Variants in ERI3 observed in about 807,000 individuals in gnomAD.
ERI3 encodes ERI1 exoribonuclease 3.
A neutral mutation model predicts 44.4 loss-of-function variants in ERI3; 18 were observed. The ratio of observed to expected loss-of-function variants is 0.41; its 90% confidence interval spans 0.28 to 0.60. The LOEUF is 0.60. ERI3 is among the 20% of genes least tolerant of loss of function. The pLI, the probability that ERI3 is intolerant of heterozygous loss-of-function variation, is 0.36. For synonymous variants in ERI3, 183 were observed against 164.8 expected, an observed-to-expected ratio of 1.11 and a Z score of -0.84; for missense variants, 294 against 435.5, an observed-to-expected ratio of 0.68 and a Z score of 2.89.
chr1:44,290,028 G>A (rs1360578695), intron 6 of ERI3, among the ~76,000 whole-genome samples: 1 of 152,216 alleles, frequency 6.6e-6, no homozygotes, highest in Admixed American at 6.5e-5. Flanking sequence ...CCCAACTCAG[G>A]GAGATGCATG....
chr1:44,274,374 A>C (rs1203927030), intron 7 of ERI3, among the ~76,000 whole-genome samples: 1 of 152,202 alleles, frequency 6.6e-6, no homozygotes, highest in African/African-American at 2.4e-5. Context: ...ATATTCCAAA[A>C]CCTGGTAATT....
chr1:44,271,654 A>G (rs1645090079), intron 7 of ERI3, among the ~76,000 whole-genome samples: 2 of 152,252 alleles, frequency 1.3e-5, no homozygotes, highest in African/African-American at 4.8e-5. Context: ...GAGTTAATTC[A>G]TATAAAGCAT....
rs911729858 is a variant in ERI3, at chr1:44,235,552, A to C, written c.931+12387T>G. Among the ~76,000 whole-genome samples, 1 of 152,158 alleles carries C rather than the reference A, an allele frequency of 6.6e-6. No individual in the cohort carries two copies. Among genetic ancestry groups the C allele is most frequent in the Non-Finnish European group, 1.5e-5 (1 of 68,036 alleles). On this transcript the variant is annotated intron_variant, in intron 8 of 8. Coordinates refer to ENST00000372257, the MANE Select transcript of ERI3 (RefSeq NM_024066.3). This position sits in a 1 kb window ranked among gnomAD's most constrained non-coding sequence, Gnocchi z 4.6. ...AATACATACTGAAAAGAAGGAAGGA[A>C]GGACTAGAGGAAAAGAAAGAGGGGC...
At chr1:44,231,889 A>C (rs555762185) in intron 8 of ERI3, among the ~76,000 whole-genome samples, 1 of 152,330 alleles carries the variant, frequency 6.6e-6, no homozygotes, top group South Asian at 2.1e-4. Context: ...AGCATGAGGG[A>C]AAAATAGTCC....
chr1:44,301,307 A>C (rs1316557432), intron 6 of ERI3, among the ~76,000 whole-genome samples: 1 of 152,114 alleles, frequency 6.6e-6, no homozygotes, highest in Non-Finnish European at 1.5e-5. Context: ...CCCTGCCCCC[A>C]CTGTGCACTG....
intron 7 of ERI3, among the ~76,000 whole-genome samples, chr1:44,258,129 T>C (rs1644816486): frequency 6.6e-6 from 1 of 152,190 alleles, no homozygotes; most frequent in Admixed American, 6.5e-5. Flanking sequence ...GCTTTGAACC[T>C]GGCATGTAAC....
In ERI3 at chr1:44,221,542, T is replaced by A; in HGVS notation, c.*16A>T. 6.2e-7 allele frequency: 1 copy of A among 1,611,472 alleles called. No individual in the cohort carries two copies. The highest frequency in any genetic ancestry group is 8.5e-7 in the Non-Finnish European group (1 of 1,177,680). On this transcript the variant is annotated 3_prime_UTR_variant, in exon 9 of 9. Transcript: ENST00000372257. This position sits in a 1 kb window ranked among gnomAD's most constrained non-coding sequence, Gnocchi z 5.9. ...CAAACAGCTACCCTGTCCTGCCCCA[T>A]CCTGTCCTCGGCCAATCAGAACGGC...
intron 6 of ERI3, among the ~76,000 whole-genome samples, chr1:44,288,163 T>C (rs1645433091): frequency 1.3e-5 from 2 of 152,066 alleles, no homozygotes; most frequent in Admixed American, 6.5e-5. Context: ...GACAGTCAGG[T>C]TGGATACTCA....
chr1:44,287,004 C>G lies in ERI3; in HGVS notation c.759-2097G>C, dbSNP rs538128090. 8.5e-5 allele frequency among the ~76,000 whole-genome samples: 13 copies of G among 152,364 alleles called. No homozygotes were observed. In the East Asian group the frequency reaches 2.5e-3, roughly 29 times the overall value. ...TTAGACACCTAAGATCAGACATGCTCTTTTGACCCCACTTCATATTACCTG... is the reference window on the plus strand; with the variant it reads ...TTAGACACCTAAGATCAGACATGCTGTTTTGACCCCACTTCATATTACCTG... On this transcript the variant is annotated intron_variant, in intron 6 of 8. Coordinates refer to ENST00000372257, the MANE Select transcript of ERI3 (RefSeq NM_024066.3).
intron 5 of ERI3, among the ~76,000 whole-genome samples, chr1:44,311,795 G>A (rs1459300750): frequency 6.6e-6 from 1 of 152,142 alleles, no homozygotes; most frequent in Admixed American, 6.5e-5. Flanking sequence ...GCTGGGGATG[G>A]TGGCTGGGAC....
chr1:44,259,982 C>G (rs1644862395), intron 7 of ERI3, among the ~76,000 whole-genome samples: 1 of 151,940 alleles, frequency 6.6e-6, no homozygotes. Context: ...CCTCCTTATT[C>G]CTAAGGGTAG....
chr1:44,264,503 G>A (rs1012104054), intron 7 of ERI3, among the ~76,000 whole-genome samples: 2 of 152,206 alleles, frequency 1.3e-5, no homozygotes, highest in Non-Finnish European at 2.9e-5. Flanking sequence ...GCAGCCCCGC[G>A]CCTGGACGGA....
chr1:44,283,912 G>A, intron 7 of ERI3: 1 of 443,192 alleles, frequency 2.3e-6, no homozygotes, highest in Non-Finnish European at 4.7e-6. Context: ...CCCAGGTCAA[G>A]ACTCAAATCC....
At chr1:44,294,076 C>A (rs1398197826) in intron 6 of ERI3, among the ~76,000 whole-genome samples, 1 of 152,248 alleles carries the variant, frequency 6.6e-6, no homozygotes, top group Admixed American at 6.5e-5. Context: ...CTGGCAGCGA[C>A]CTGCTGTGCA....
chr1:44,281,514 G>A (rs1013402719), intron 7 of ERI3, among the ~76,000 whole-genome samples: 5 of 150,164 alleles, frequency 3.3e-5, no homozygotes, highest in Non-Finnish European at 7.4e-5. Context: ...TCTGAGCCCG[G>A]GAGTTCAAGG....
At chr1:44,231,498 C>T (rs1293496135) in intron 8 of ERI3, among the ~76,000 whole-genome samples, 2 of 152,082 alleles carry the variant, frequency 1.3e-5, no homozygotes, top group East Asian at 1.9e-4. Flanking sequence ...ATCAGCCTCC[C>T]GAGCAGCTGG....
chr1:44,246,651 G>A (rs1644560236), intron 8 of ERI3, among the ~76,000 whole-genome samples: 1 of 152,216 alleles, frequency 6.6e-6, no homozygotes, highest in Non-Finnish European at 1.5e-5. Context: ...CTTGGCAACT[G>A]AGGAGAGGGA....
chr1:44,268,032 A>G (rs562081125), intron 7 of ERI3, among the ~76,000 whole-genome samples: 2 of 152,358 alleles, frequency 1.3e-5, no homozygotes, highest in East Asian at 1.9e-4. Flanking sequence ...ACGTGTTTAC[A>G]TGGATCCTCT....
intron 6 of ERI3, among the ~76,000 whole-genome samples, chr1:44,301,767 A>G (rs1230759664): frequency 6.6e-6 from 1 of 152,174 alleles, no homozygotes; most frequent in African/African-American, 2.4e-5. Context: ...TTCTAGGTAA[A>G]AAGAGAAATT....
Sources: gnomAD v4.1 joint callset for allele counts (sites outside exome capture counted in the v4.1 genomes callset) on GRCh38, gnomAD v4.1.1 for gene constraint, Gnocchi (gnomAD v3.1) non-coding constraint, MANE v1.5 for transcripts, NCBI Gene and HGNC (gene_info 2026-07-23, HGNC 2026-07-21) for gene names.